The following USH2A variants were observed in gnomAD, a reference collection of about 807,000 sequenced individuals.
The protein encoded by USH2A is Usher syndrome 2A (autosomal recessive, mild).
A neutral mutation model predicts 538.9 loss-of-function variants in USH2A; 443 were observed. The ratio of observed to expected loss-of-function variants is 0.82; its 90% CI spans 0.76 to 0.89. The LOEUF (loss-of-function observed/expected upper bound fraction) is 0.89, where lower values mean the gene tolerates loss of function less well. Among genes scored for constraint, USH2A ranks in the 40% least tolerant of loss-of-function variants. The pLI is 0.00. For synonymous variants in USH2A, 2,413 were observed against 2,273.5 expected (o/e 1.06, Z -1.75); for missense variants, 6,633 against 6,324.8 (o/e 1.05, Z -1.65).
intron 21 of USH2A, among the ~76,000 whole-genome samples, chr1:216,136,900 C>CTGCTGATA (rs1218304752): frequency 3.2e-4 from 49 of 152,262 alleles, no homozygotes; most frequent in African/African-American, 1.1e-3. Flanking sequence ...GATATCAATC[C>CTGCTGATA]TGCTGATATC....
intron 51 of USH2A, among the ~76,000 whole-genome samples, chr1:215,787,491 C>T (rs1432266291): frequency 6.6e-6 from 1 of 152,054 alleles, no homozygotes; most frequent in African/African-American, 2.4e-5. Flanking sequence ...TGACACATCT[C>T]CAGATTTTTT....
chr1:215,814,499 T>A (rs1399022320), intron 48 of USH2A, among the ~76,000 whole-genome samples: 1 of 152,040 alleles, frequency 6.6e-6, no homozygotes, highest in African/African-American at 2.4e-5. Context: ...GAATATATAT[T>A]TTCTAGCATG....
intron 21 of USH2A, chr1:216,174,084 T>C (rs935631442): frequency 1.1e-5 from 11 of 985,158 alleles, no homozygotes; most frequent in African/African-American, 3.5e-5. Flanking sequence ...TCAGTTAGAA[T>C]ATAATCATGA....
intron 3 of USH2A, among the ~76,000 whole-genome samples, chr1:216,373,572 A>T (rs1267449916): frequency 6.6e-6 from 1 of 152,162 alleles, no homozygotes; most frequent in East Asian, 1.9e-4. Context: ...CTAATGACCC[A>T]TTCCCCCTGA....
intron 61 of USH2A, among the ~76,000 whole-genome samples, chr1:215,691,555 A>T (rs956438155): frequency 6.6e-6 from 1 of 152,012 alleles, no homozygotes; most frequent in Non-Finnish European, 1.5e-5. Context: ...ACTGCAACTG[A>T]CCCACTCTCC....
At chr1:216,304,846 G>A (rs777369200) in intron 9 of USH2A, among the ~76,000 whole-genome samples, 3 of 150,874 alleles carry the variant, frequency 2.0e-5, no homozygotes, top group African/African-American at 2.4e-5. Flanking sequence ...TTTTTGAGTC[G>A]ATTTCCAATT....
At chr1:215,805,984 C>CAAAAAA (rs57712355) in intron 49 of USH2A, among the ~76,000 whole-genome samples, 3 of 93,454 alleles carry the variant, frequency 3.2e-5, no homozygotes, top group Non-Finnish European at 5.0e-5. Context: ...AAGACACAAT[C>CAAAAAA]AAAAAAAAAA....
chr1:216,373,176 G>T (rs572776148), intron 3 of USH2A, among the ~76,000 whole-genome samples: 1 of 152,254 alleles, frequency 6.6e-6, no homozygotes, highest in Non-Finnish European at 1.5e-5. Context: ...CACATAAGGG[G>T]TATATAAAGC....
At chr1:216,348,858 C>T (rs571889105) in intron 4 of USH2A, among the ~76,000 whole-genome samples, 1 of 151,850 alleles carries the variant, frequency 6.6e-6, no homozygotes, top group Non-Finnish European at 1.5e-5. Context: ...TCTCTGACTA[C>T]TATTCAAAAA....
chr1:216,140,566 AT>A (rs2033583305), intron 21 of USH2A, among the ~76,000 whole-genome samples: 1 of 152,162 alleles, frequency 6.6e-6, no homozygotes, highest in Non-Finnish European at 1.5e-5. Flanking sequence ...CTCCAATTTG[AT>A]CTCATGTTTT....
intron 60 of USH2A, among the ~76,000 whole-genome samples, chr1:215,739,258 A>G (rs2820720): frequency 0.18 from 27,084 of 152,224 alleles, 2,567 homozygotes; most frequent in Non-Finnish European, 0.2. Context: ...GCAGTAACAC[A>G]TTCTGTTTCA....
intron 37 of USH2A, among the ~76,000 whole-genome samples, chr1:215,953,143 G>A (rs1666966481): frequency 6.6e-6 from 1 of 152,034 alleles, no homozygotes; most frequent in Non-Finnish European, 1.5e-5. Flanking sequence ...TACTGCCCAA[G>A]GTAATTTATA....
chr1:216,346,353 T>C (rs990919284), intron 4 of USH2A, among the ~76,000 whole-genome samples: 1 of 152,112 alleles, frequency 6.6e-6, no homozygotes, highest in Non-Finnish European at 1.5e-5. Flanking sequence ...GTTTTCCTCA[T>C]GAAATCCCAG....
chr1:216,155,385 T>C (rs2033917757), intron 21 of USH2A, among the ~76,000 whole-genome samples: 1 of 152,196 alleles, frequency 6.6e-6, no homozygotes, highest in Admixed American at 6.5e-5. Flanking sequence ...ACTTCCCCAA[T>C]TGCTCCTATA....
intron 32 of USH2A, among the ~76,000 whole-genome samples, chr1:216,002,762 T>C (rs1208270362): frequency 6.6e-6 from 1 of 152,108 alleles, no homozygotes; most frequent in Non-Finnish European, 1.5e-5. Context: ...ACCCAACTTG[T>C]AGGTGGTGAA....
intron 37 of USH2A, among the ~76,000 whole-genome samples, chr1:215,948,149 G>C (rs2102437975): frequency 6.6e-6 from 1 of 152,074 alleles, no homozygotes; most frequent in African/African-American, 2.4e-5. Context: ...TTTCTTATTA[G>C]AGTTTGAAGT....
chr1:215,741,370 C>G lies in USH2A; in HGVS notation c.11711+5G>C. 1 of 1,613,866 alleles carries G rather than the reference C, an allele frequency of 6.2e-7. No individual in the cohort carries two copies. ...ACTAAAAATAATAGTAACAGCCAAT[C>G]TTACCTGTAAATAAAGTAGTTGATG... On this transcript the variant is annotated splice_donor_5th_base_variant and intron_variant, in intron 60 of 71. Transcript: ENST00000307340.
intron 58 of USH2A, among the ~76,000 whole-genome samples, chr1:215,746,057 A>C (rs1660460279): frequency 7.0e-6 from 1 of 142,568 alleles, no homozygotes; most frequent in Non-Finnish European, 1.6e-5. Flanking sequence ...TAGGTCCTCG[A>C]ATAATGTTGT....
chr1:215,828,892 G>T (rs1663236367), intron 47 of USH2A, among the ~76,000 whole-genome samples: 1 of 152,148 alleles, frequency 6.6e-6, no homozygotes, highest in African/African-American at 2.4e-5. Flanking sequence ...ACAGTACCTA[G>T]TGAAGCTGTC....
Sources: gnomAD v4.1 joint callset for allele counts (sites outside exome capture counted in the v4.1 genomes callset) on GRCh38, gnomAD v4.1.1 for gene constraint, MANE v1.5 for transcripts, NCBI Gene and HGNC (gene_info 2026-07-23, HGNC 2026-07-21) for gene names.